Variants in COL23A1 observed in about 807,000 individuals in gnomAD.
COL23A1 encodes the protein collagen alpha-1(XXIII) chain.
In COL23A1, 97 loss-of-function variants were observed where a neutral mutation model predicts 99.3. The observed-to-expected ratio is 0.98, with a 90% CI of 0.83 to 1.16. The LOEUF (loss-of-function observed/expected upper bound fraction) is 1.16. Among genes scored for constraint, COL23A1 ranks in the 50% most tolerant of loss-of-function variants. The pLI is 0.00. For missense variants in COL23A1, 762 were observed against 757.4 expected (o/e 1.01, Z -0.07); for synonymous variants, 320 against 308.2 (o/e 1.04, Z -0.40).
At chr5:178,431,760 A>T (rs139615008) in intron 2 of COL23A1, among the ~76,000 whole-genome samples, 2 of 152,350 alleles carry the variant, frequency 1.3e-5, no homozygotes, top group East Asian at 3.9e-4. Context: ...CAGGAACATT[A>T]AGAGACTAGA....
At chr5:178,291,719 T>A (rs951151505) in intron 3 of COL23A1, among the ~76,000 whole-genome samples, 1 of 151,630 alleles carries the variant, frequency 6.6e-6, no homozygotes, top group African/African-American at 2.4e-5. Flanking sequence ...CGCTGAGGTG[T>A]CCCCATGCAG....
At chr5:178,532,930 T>C (rs1174926468) in intron 2 of COL23A1, among the ~76,000 whole-genome samples, 1 of 152,134 alleles carries the variant, frequency 6.6e-6, no homozygotes, top group East Asian at 1.9e-4. Context: ...CCCCCAGCCT[T>C]CAGAACTGTG....
chr5:178,358,220 TCTA>T (rs1215404231), intron 2 of COL23A1, among the ~76,000 whole-genome samples: 17 of 99,336 alleles, frequency 1.7e-4, no homozygotes, highest in East Asian at 6.5e-4. Context: ...TGTATGTGTG[TCTA>T]ATGTGTGTAT....
rs1460360820 is a variant in COL23A1, at chr5:178,357,816, ATG to A, written c.362-50899_362-50898del. 8.3e-3 allele frequency among the ~76,000 whole-genome samples: 1,095 copies of A among 132,482 alleles called. 16 individuals carry two copies. The highest frequency in any genetic ancestry group is 8.9e-3 in the Non-Finnish European group (548 of 61,668). The allele number at this position is 132,482 out of a possible 152,430, so 86.9% of individuals were successfully genotyped here. A position where few individuals can be genotyped will look rare whatever the true frequency, so the allele number is the denominator to read the frequency against. On this transcript the variant is annotated intron_variant, in intron 2 of 28. Coordinates refer to ENST00000390654, the MANE Select transcript of COL23A1 (RefSeq NM_173465.4). ...TGTGTATGTGTGTGTGTATGTGTGT[ATG>A]TGTGTTTATGTGTATGTGTGTGTAT...
At chr5:178,319,271 C>T (rs1425272203) in intron 2 of COL23A1, among the ~76,000 whole-genome samples, 1 of 152,174 alleles carries the variant, frequency 6.6e-6, no homozygotes, top group Non-Finnish European at 1.5e-5. Context: ...CGCATGTAAA[C>T]CAGCACACCC....
At chr5:178,510,573 C>T (rs191261036) in intron 2 of COL23A1, among the ~76,000 whole-genome samples, 8 of 152,024 alleles carry the variant, frequency 5.3e-5, no homozygotes, top group Admixed American at 3.3e-4. Flanking sequence ...TGCTAAATGA[C>T]GAGTTAATGG....
chr5:178,528,478 C>G (rs1255622922), intron 2 of COL23A1, among the ~76,000 whole-genome samples: 1 of 152,192 alleles, frequency 6.6e-6, no homozygotes, highest in Admixed American at 6.5e-5. Flanking sequence ...TCCCTGGCCA[C>G]AGTGATGAGT....
intron 5 of COL23A1, among the ~76,000 whole-genome samples, chr5:178,284,180 G>A (rs1481579721): frequency 6.6e-6 from 1 of 152,138 alleles, no homozygotes. Context: ...GATGTCTTCC[G>A]TCCCTGGACC....
intron 2 of COL23A1, among the ~76,000 whole-genome samples, chr5:178,425,951 A>C (rs1295634807): frequency 6.6e-6 from 1 of 152,152 alleles, no homozygotes; most frequent in Non-Finnish European, 1.5e-5. Flanking sequence ...CGGTGAACAC[A>C]CACCCAGAAA....
chr5:178,488,120 G>A (rs1757733843), intron 2 of COL23A1, among the ~76,000 whole-genome samples: 1 of 152,226 alleles, frequency 6.6e-6, no homozygotes, highest in Non-Finnish European at 1.5e-5. Context: ...ACTCCGGGGA[G>A]CTATTGTTCT....
At chr5:178,388,627 G>T (rs1763797680) in intron 2 of COL23A1, among the ~76,000 whole-genome samples, 1 of 152,082 alleles carries the variant, frequency 6.6e-6, no homozygotes, top group Admixed American at 6.6e-5. Context: ...GATTTTGCTG[G>T]GCCCTTCCCA....
At chr5:178,409,414 G>A (rs1023624481) in intron 2 of COL23A1, among the ~76,000 whole-genome samples, 1 of 152,232 alleles carries the variant, frequency 6.6e-6, no homozygotes, top group Non-Finnish European at 1.5e-5. Context: ...GTTAAGAGTG[G>A]TGAGAGGTTG....
At chr5:178,426,648 C>T (rs1033535684) in intron 2 of COL23A1, among the ~76,000 whole-genome samples, 1 of 152,080 alleles carries the variant, frequency 6.6e-6, no homozygotes, top group Non-Finnish European at 1.5e-5. Flanking sequence ...CTGCGGGATC[C>T]GAAGCAGCCA....
In COL23A1 at chr5:178,366,871, C is replaced by T. The variant is rs1762512293; in HGVS notation, c.362-59952G>A. On this transcript the variant is annotated intron_variant, in intron 2 of 28. Transcript: ENST00000390654. This position sits in a 1 kb window ranked among gnomAD's most constrained non-coding sequence, Gnocchi z 4.4. ...AGGGTCCTGCCCTCCTCTGCAGCCC[C>T]ACGTGGCCCACTTGGCATGAGTGGC... Among the ~76,000 whole-genome samples, 1 of 152,232 alleles carries T rather than the reference C, an allele frequency of 6.6e-6. No individual in the cohort carries two copies.
chr5:178,280,881 G>A lies in COL23A1; in HGVS notation c.441+7443C>T. 6.6e-6 allele frequency among the ~76,000 whole-genome samples: 1 copy of A among 152,322 alleles called. No homozygotes were observed. The highest frequency in any genetic ancestry group is 1.5e-5 in the Non-Finnish European group (1 of 68,034). Reference sequence around the variant, plus strand: ...GATACAGGAGGCATCTGGGAGCCGAGGGCGGAGCAGCAGCTCGGGCCCCAC... The same window carrying A: ...GATACAGGAGGCATCTGGGAGCCGAAGGCGGAGCAGCAGCTCGGGCCCCAC... On this transcript the variant is annotated intron_variant, in intron 5 of 28. Transcript: ENST00000390654. This position sits in a 1 kb window ranked among gnomAD's most constrained non-coding sequence, Gnocchi z 4.9.
chr5:178,285,935 G>A (rs575104318), intron 5 of COL23A1, among the ~76,000 whole-genome samples: 7 of 152,350 alleles, frequency 4.6e-5, no homozygotes, highest in East Asian at 1.9e-4. Context: ...GAAGCTGAGC[G>A]GGGTGTCTGC....
chr5:178,436,414 G>C (rs1012047099), intron 2 of COL23A1, among the ~76,000 whole-genome samples: 2 of 152,118 alleles, frequency 1.3e-5, no homozygotes, highest in Admixed American at 6.5e-5. Context: ...GGCTGCATTG[G>C]GGGGTGGGGT....
intron 5 of COL23A1, among the ~76,000 whole-genome samples, chr5:178,272,221 C>T (rs989150416): frequency 8.5e-5 from 13 of 152,240 alleles, no homozygotes; most frequent in African/African-American, 2.9e-4. Context: ...ACTTTCCTGG[C>T]CTCTGGTTCT....
chr5:178,403,070 C>T (rs963294360), intron 2 of COL23A1, among the ~76,000 whole-genome samples: 14 of 138,856 alleles, frequency 1.0e-4, no homozygotes, highest in African/African-American at 3.3e-4. Context: ...GGTCGTGCCA[C>T]GGCACTCCAG....
Sources: allele counts gnomAD v4.1 joint callset (sites outside exome capture counted in the v4.1 genomes callset), GRCh38; gene constraint gnomAD v4.1.1; non-coding constraint Gnocchi (gnomAD v3.1); transcripts MANE v1.5; gene names NCBI Gene and HGNC (gene_info 2026-07-23, HGNC 2026-07-21).